EEF2K: variants seen among roughly 807,000 people sequenced by gnomAD.
The protein encoded by EEF2K is alternative protein EEF2K.
EEF2K carries 70 observed loss-of-function variants against 93.8 expected under a neutral mutation model. That is an observed-to-expected ratio of 0.75 (90% CI 0.62 to 0.91). The LOEUF (loss-of-function observed/expected upper bound fraction) is 0.91. Among genes scored for constraint, EEF2K ranks in the 40% least tolerant of loss-of-function variants. The pLI is 0.00. For synonymous variants in EEF2K, 376 were observed against 380.8 expected, an observed-to-expected ratio of 0.99 and a Z score of 0.15; for missense variants, 935 against 972.9, an observed-to-expected ratio of 0.96 and a Z score of 0.52.
chr16:22,256,668 C>A, intron 6 of EEF2K, 80 bp from the exon 7 acceptor site: 1 of 1,517,958 alleles, frequency 6.6e-7, no homozygotes, highest in Non-Finnish European at 8.8e-7. Context: ...CAGGCGAGTT[C>A]CTCTGAGCCC....
chr16:22,214,383 C>T (rs924019204), intron 1 of EEF2K, among the ~76,000 whole-genome samples: 63 of 151,384 alleles, frequency 4.2e-4, no homozygotes, highest in Admixed American at 3.7e-3. Context: ...CTGAGGCTGC[C>T]GTGAGCCATG....
rs1374084679 is a variant in EEF2K at position 22,263,160 on chromosome 16, G to A, written c.1350G>A (p.Glu450=). 3 of 1,612,790 alleles carry A rather than the reference G, an allele frequency of 1.9e-6. No individual in the cohort carries two copies. Among genetic ancestry groups the A allele is most frequent in the East Asian group, 2.2e-5 (1 of 44,816 alleles). The change falls in exon 12 of 18, where the codon GAG becomes GAA. Residue 450 remains glutamate, a synonymous_variant. Coordinates refer to ENST00000263026, the MANE Select transcript of EEF2K (RefSeq NM_013302.5). The part of the protein sequence containing the change: ...DSGYPSEKRG[E]LDDPEPREHG... ...GATACCCCAGTGAGAAGCGGGGTGAGCTGGATGACCCTGAGCCCCGAGAAC... is the reference window on the plus strand; with the variant it reads ...GATACCCCAGTGAGAAGCGGGGTGAACTGGATGACCCTGAGCCCCGAGAAC...
At chr16:22,228,805 C>T (rs564307917) in intron 2 of EEF2K, among the ~76,000 whole-genome samples, 15 of 152,220 alleles carry the variant, frequency 9.9e-5, no homozygotes, top group South Asian at 4.1e-4. Flanking sequence ...CAGAAATACG[C>T]GGGGGTCTGG....
At chr16:22,273,164 C>G (rs895400698) in intron 15 of EEF2K, among the ~76,000 whole-genome samples, 1 of 152,202 alleles carries the variant, frequency 6.6e-6, no homozygotes, top group Admixed American at 6.5e-5. Context: ...ACTGCTTCTA[C>G]GGAATAGGGC....
At chr16:22,271,706 A>C (rs1240724860) in intron 15 of EEF2K, among the ~76,000 whole-genome samples, 1 of 150,442 alleles carries the variant, frequency 6.6e-6, no homozygotes, top group Non-Finnish European at 1.5e-5. Flanking sequence ...CCCTGTCTCA[A>C]AAAAAAAAAC....
chr16:22,233,076 C>T (rs1023295604), intron 2 of EEF2K, among the ~76,000 whole-genome samples: 1 of 152,156 alleles, frequency 6.6e-6, no homozygotes, highest in Non-Finnish European at 1.5e-5. Flanking sequence ...GCCGCCCTCT[C>T]CATAGAATAT....
chr16:22,234,703 A>G (rs539478737), intron 2 of EEF2K, among the ~76,000 whole-genome samples: 5 of 152,130 alleles, frequency 3.3e-5, no homozygotes, highest in African/African-American at 7.2e-5. Context: ...ACTAAATTCT[A>G]TACCCCTTAG....
At chr16:22,275,952 CTATT>C (rs1311341071) in intron 16 of EEF2K, among the ~76,000 whole-genome samples, 1 of 146,396 alleles carries the variant, frequency 6.8e-6, no homozygotes, top group Non-Finnish European at 1.5e-5. Context: ...TATTTTTTAT[CTATT>C]TATTTATTTT....
intron 2 of EEF2K, among the ~76,000 whole-genome samples, chr16:22,233,403 G>C (rs2047135321): frequency 6.6e-6 from 1 of 152,004 alleles, no homozygotes; most frequent in Admixed American, 6.6e-5. Context: ...TTTCAGCCAG[G>C]TGCACTGGCT....
chr16:22,274,710 C>A (rs2047618287), intron 16 of EEF2K, among the ~76,000 whole-genome samples: 1 of 152,072 alleles, frequency 6.6e-6, no homozygotes, highest in South Asian at 2.1e-4. Flanking sequence ...TGGGCTCAAG[C>A]AGTCCTCCCG....
intron 2 of EEF2K, among the ~76,000 whole-genome samples, chr16:22,226,469 A>C: frequency 6.8e-6 from 1 of 146,378 alleles, no homozygotes. Flanking sequence ...TCCCCAAACT[A>C]AGGACCTTAT....
chr16:22,224,239 T>A (rs1394422913), intron 1 of EEF2K, among the ~76,000 whole-genome samples: 1 of 152,154 alleles, frequency 6.6e-6, no homozygotes, highest in Admixed American at 6.6e-5. Flanking sequence ...GGGCCACTCC[T>A]TCATTCTGGG....
At chr16:22,232,937 C>A (rs185111753) in intron 2 of EEF2K, among the ~76,000 whole-genome samples, 2 of 151,992 alleles carry the variant, frequency 1.3e-5, no homozygotes, top group African/African-American at 4.8e-5. Context: ...CAAAATGGCC[C>A]GCTGGCCTCC....
chr16:22,265,015 C>A, intron 13 of EEF2K, 135 bp downstream of exon 13: 1 of 1,054,386 alleles, frequency 9.5e-7, no homozygotes, highest in Non-Finnish European at 1.4e-6. Flanking sequence ...TTTTGCAAAG[C>A]AGCAAATCTG....
intron 1 of EEF2K, among the ~76,000 whole-genome samples, chr16:22,220,994 GATT>G (rs1212715518): frequency 1.3e-5 from 2 of 152,236 alleles, no homozygotes; most frequent in African/African-American, 4.8e-5. Context: ...GCTCAGGGAA[GATT>G]CTGGTGACAA....
chr16:22,275,565 A>G (rs1159444336), intron 16 of EEF2K, among the ~76,000 whole-genome samples: 4 of 151,926 alleles, frequency 2.6e-5, no homozygotes, highest in Admixed American at 1.3e-4. Context: ...CTTGTCTCGA[A>G]CTCCTAACCT....
intron 3 of EEF2K, among the ~76,000 whole-genome samples, chr16:22,245,304 A>C (rs1306287592): frequency 6.6e-6 from 1 of 152,156 alleles, no homozygotes; most frequent in Non-Finnish European, 1.5e-5. Flanking sequence ...CAAATCTCTG[A>C]AACATTTTCC....
rs146335097 is a variant in EEF2K at position 22,223,261 on chromosome 16, T to A, written c.-76-2393T>A. 6.6e-3 allele frequency among the ~76,000 whole-genome samples: 959 copies of A among 146,222 alleles called. 15 individuals carry two copies. The highest frequency in any genetic ancestry group is 0.024 in the African/African-American group (902 of 38,106). ...AACTTTTTGAGATGTTGTTTTTTTC[T>A]GTTTTTTTTTTTTTTTTTTGGTTTT... is the stretch of plus-strand genomic sequence containing the variant. On this transcript the variant is annotated intron_variant, in intron 1 of 17. Transcript: ENST00000263026.
At position 22,266,810 on chromosome 16, in the gene EEF2K, C is replaced by T. The variant is rs2047527902; in HGVS notation, c.1698C>T (p.Ala566=). The change falls in exon 15 of 18, where the codon GCC becomes GCT. Residue 566 remains alanine, a synonymous_variant. Transcript: ENST00000263026. ...EHAANLGELE[A]IVGLGLMYSQ... ...CAGCCAACCTGGGCGAGCTGGAGGC[C>T]ATCGTGGGCCTGGGACTCATGTACT... 2 of 1,614,062 alleles carry T rather than the reference C, an allele frequency of 1.2e-6. No homozygotes were observed. The highest frequency in any genetic ancestry group is 3.3e-5 in the Admixed American group (2 of 59,996).
Sources: allele counts gnomAD v4.1 joint callset (sites outside exome capture counted in the v4.1 genomes callset), GRCh38; gene constraint gnomAD v4.1.1; transcripts MANE v1.5; gene names NCBI Gene and HGNC (gene_info 2026-07-23, HGNC 2026-07-21).